Variants in RABGAP1L observed in about 807,000 individuals in gnomAD.
The protein encoded by RABGAP1L is rab GTPase-activating protein 1-like.
A neutral mutation model predicts 137.7 loss-of-function variants in RABGAP1L; 63 were observed. The ratio of observed to expected loss-of-function variants is 0.46; its 90% confidence interval spans 0.37 to 0.56. RABGAP1L has a LOEUF of 0.56. RABGAP1L is among the 20% of genes least tolerant of loss of function. The pLI is 0.00. For missense variants in RABGAP1L, 1,095 were observed against 1,244.0 expected, an observed-to-expected ratio of 0.88 and a Z score of 1.80; for synonymous variants, 431 against 433.7, an observed-to-expected ratio of 0.99 and a Z score of 0.08.
At chr1:174,186,017 C>G (rs1055931896) in intron 1 of RABGAP1L, among the ~76,000 whole-genome samples, 1 of 151,990 alleles carries the variant, frequency 6.6e-6, no homozygotes, top group African/African-American at 2.4e-5. Context: ...GTGGTGCATG[C>G]CTGTATTCCC....
intron 13 of RABGAP1L, among the ~76,000 whole-genome samples, chr1:174,526,166 G>T (rs1393772882): frequency 6.6e-6 from 1 of 152,060 alleles, no homozygotes; most frequent in Non-Finnish European, 1.5e-5. Context: ...TGCATATTCT[G>T]GGTATTAGTC....
At chr1:174,323,209 G>A (rs567959035) in intron 11 of RABGAP1L, among the ~76,000 whole-genome samples, 11 of 151,930 alleles carry the variant, frequency 7.2e-5, no homozygotes, top group African/African-American at 1.7e-4. Flanking sequence ...TTTAGTATAC[G>A]TAGATTTATA....
chr1:174,243,281 C>T (rs1216533186), intron 5 of RABGAP1L: 1 of 151,946 alleles, frequency 6.6e-6, no homozygotes, highest in Non-Finnish European at 1.5e-5. Flanking sequence ...TGGAAGAAAC[C>T]CTGGGAAGTT....
chr1:174,976,088 A>G lies in RABGAP1L; in HGVS notation c.2555A>G (p.Lys852Arg). The G allele has an allele frequency of 6.4e-7, 1 of 1,550,986 alleles. No homozygotes were observed. Among genetic ancestry groups the G allele is most frequent in the Non-Finnish European group, 8.7e-7 (1 of 1,146,948 alleles). Residue 852 changes from lysine (K) to arginine (R), a missense_variant, in exon 22 of 26, where the codon AAG becomes AGG. Around this residue, in one of 4 missense-constraint regions of RABGAP1L, gnomAD observed 312 missense variants for 435.6 expected, o/e 0.72. Transcript: ENST00000681986. ...CACCATGATTTGCAGGCAGAAGACA[A>G]GGCAGATGTGTTGAATAAAGAGCTC... ...LRNDLDQAED[K>R]ADVLNKELLL...
intron 19 of RABGAP1L, among the ~76,000 whole-genome samples, chr1:174,864,787 G>T (rs2149033516): frequency 6.6e-6 from 1 of 152,280 alleles, no homozygotes; most frequent in East Asian, 1.9e-4. Context: ...TTTTCTTACT[G>T]CACCCTTTGC....
chr1:174,684,854 G>C (rs938362926), intron 15 of RABGAP1L, among the ~76,000 whole-genome samples: 5 of 152,112 alleles, frequency 3.3e-5, no homozygotes, highest in African/African-American at 1.2e-4. Flanking sequence ...GTGAGCACCT[G>C]TAGTGGTGGT....
intron 19 of RABGAP1L, among the ~76,000 whole-genome samples, chr1:174,925,039 G>A (rs892084406): frequency 7.2e-5 from 11 of 152,090 alleles, no homozygotes; most frequent in African/African-American, 2.4e-4. Context: ...CATCCACATG[G>A]CTAGATAGAG....
At chr1:174,796,206 T>G (rs545618333) in intron 18 of RABGAP1L, among the ~76,000 whole-genome samples, 2 of 152,284 alleles carry the variant, frequency 1.3e-5, no homozygotes, top group Admixed American at 1.3e-4. Flanking sequence ...GGGTACATGC[T>G]TATAATCCCA....
At chr1:174,874,558 G>C in intron 19 of RABGAP1L, 1 of 744,160 alleles carries the variant, frequency 1.3e-6, no homozygotes, top group Non-Finnish European at 1.6e-6. Context: ...TTGATCTCAG[G>C]TAATTCTCCA....
At chr1:174,895,759 A>G (rs1657044503) in intron 19 of RABGAP1L, among the ~76,000 whole-genome samples, 1 of 152,176 alleles carries the variant, frequency 6.6e-6, no homozygotes, top group Non-Finnish European at 1.5e-5. Context: ...ATGTCCCTAT[A>G]AAGGACATGA....
At chr1:174,796,404 A>G (rs1328810130) in intron 18 of RABGAP1L, among the ~76,000 whole-genome samples, 1 of 152,200 alleles carries the variant, frequency 6.6e-6, no homozygotes, top group African/African-American at 2.4e-5. Context: ...AGCTCACTGA[A>G]ATGAGTGATG....
At chr1:174,387,053 G>T (rs1419966666) in intron 12 of RABGAP1L, among the ~76,000 whole-genome samples, 1 of 151,930 alleles carries the variant, frequency 6.6e-6, no homozygotes, top group African/African-American at 2.4e-5. Context: ...AATTTATGAG[G>T]CATCATCTTA....
intron 3 of RABGAP1L, among the ~76,000 whole-genome samples, chr1:174,221,406 G>A (rs534379551): frequency 8.5e-5 from 13 of 152,278 alleles, no homozygotes; most frequent in African/African-American, 2.6e-4. Context: ...ATGCATGGTA[G>A]GTCCTCAACA....
chr1:174,588,094 G>A (rs1412672245), intron 13 of RABGAP1L, among the ~76,000 whole-genome samples: 1 of 151,984 alleles, frequency 6.6e-6, no homozygotes, highest in Non-Finnish European at 1.5e-5. Flanking sequence ...TCGAACTTCT[G>A]ACCTCAAGTG....
intron 19 of RABGAP1L, among the ~76,000 whole-genome samples, chr1:174,843,913 C>T (rs1317858870): frequency 2.0e-4 from 25 of 126,364 alleles, no homozygotes; most frequent in South Asian, 2.9e-4. Context: ...TTTTAATGAT[C>T]GCCATTCTAA....
intron 13 of RABGAP1L, among the ~76,000 whole-genome samples, chr1:174,623,818 C>A (rs1163947613): frequency 6.6e-6 from 1 of 152,132 alleles, no homozygotes; most frequent in African/African-American, 2.4e-5. Context: ...ATGCCTTGGA[C>A]CCCCCTCATC....
chr1:174,351,641 T>C (rs537630553), intron 11 of RABGAP1L, among the ~76,000 whole-genome samples: 7 of 152,214 alleles, frequency 4.6e-5, no homozygotes, highest in Admixed American at 2.0e-4. Flanking sequence ...CTGGGTGTTA[T>C]ACAACCTTGA....
intron 19 of RABGAP1L, among the ~76,000 whole-genome samples, chr1:174,903,875 G>A (rs1243140620): frequency 1.2e-4 from 18 of 151,698 alleles, no homozygotes; most frequent in Admixed American, 1.1e-3. Context: ...GCTTGAAGCC[G>A]TGAGGTGGAG....
intron 13 of RABGAP1L, among the ~76,000 whole-genome samples, chr1:174,622,308 G>A (rs1672567932): frequency 6.6e-6 from 1 of 152,144 alleles, no homozygotes; most frequent in African/African-American, 2.4e-5. Context: ...ATTCCTCAAG[G>A]ATCTAGAACT....
Sources: allele counts gnomAD v4.1 joint callset (sites outside exome capture counted in the v4.1 genomes callset), GRCh38; gene constraint gnomAD v4.1.1; regional missense constraint gnomAD v4.1.1; transcripts MANE v1.5; gene names NCBI Gene and HGNC (gene_info 2026-07-23, HGNC 2026-07-21).